Variants in TMPRSS12 observed in about 807,000 individuals in gnomAD.
TMPRSS12 encodes the protein transmembrane protease serine 12.
A neutral mutation model predicts 26.0 loss-of-function variants in TMPRSS12; 25 were observed. That is an observed-to-expected ratio of 0.96 (90% CI 0.70 to 1.34). The LOEUF is 1.34. Among genes scored for constraint, TMPRSS12 ranks in the 40% most tolerant of loss-of-function variants. The pLI is 0.00. For missense variants in TMPRSS12, 441 were observed against 440.1 expected (o/e 1.00, Z -0.02); for synonymous variants, 150 against 161.7 (o/e 0.93, Z 0.55).
Position 50,863,475 on chromosome 12 carries a change from G to T in TMPRSS12, c.652+4422G>T, listed in dbSNP as rs60795462. Reference sequence around the variant, plus strand: ...TCCACACACAAAAAAACTATTTACAGATGTTCATGAAAGCTTTATTTTAAA... The same window carrying T: ...TCCACACACAAAAAAACTATTTACATATGTTCATGAAAGCTTTATTTTAAA... On this transcript the variant is annotated intron_variant, in intron 3 of 4. Transcript: ENST00000398458. 4.7e-3 allele frequency among the ~76,000 whole-genome samples: 712 copies of T among 152,244 alleles called. 7 individuals are homozygous for T. Among genetic ancestry groups the T allele is most frequent in the African/African-American group, 0.017 (691 of 41,546 alleles).
At chr12:50,870,207 C>T (rs1938029141) in intron 3 of TMPRSS12, among the ~76,000 whole-genome samples, 1 of 151,896 alleles carries the variant, frequency 6.6e-6, no homozygotes, top group African/African-American at 2.4e-5. Flanking sequence ...ACAACAACAA[C>T]AACAAAAAAC....
At chr12:50,848,817 C>T (rs1284868419) in intron 2 of TMPRSS12, among the ~76,000 whole-genome samples, 2 of 152,194 alleles carry the variant, frequency 1.3e-5, no homozygotes, top group African/African-American at 4.8e-5. Flanking sequence ...GGGCAGGGCA[C>T]TCATCCTTGC....
intron 3 of TMPRSS12, among the ~76,000 whole-genome samples, chr12:50,872,547 CTG>C (rs1385389403): frequency 9.7e-6 from 1 of 103,610 alleles, no homozygotes; most frequent in African/African-American, 4.0e-5. Flanking sequence ...AAAAAAGGAA[CTG>C]TGAAAAAAAT....
chr12:50,873,587 T>C (rs951007655), intron 3 of TMPRSS12, among the ~76,000 whole-genome samples: 1 of 152,148 alleles, frequency 6.6e-6, no homozygotes, highest in Non-Finnish European at 1.5e-5. Flanking sequence ...GGATAATATA[T>C]AGGTAAATGT....
At chr12:50,879,214 A>C (rs1311787591) in intron 3 of TMPRSS12, among the ~76,000 whole-genome samples, 1 of 152,244 alleles carries the variant, frequency 6.6e-6, no homozygotes, top group African/African-American at 2.4e-5. Flanking sequence ...GACTTCTAGA[A>C]AAAAGCAAAG....
chr12:50,877,686 T>C (rs1337603441), intron 3 of TMPRSS12, among the ~76,000 whole-genome samples: 3 of 152,198 alleles, frequency 2.0e-5, no homozygotes, highest in Non-Finnish European at 4.4e-5. Flanking sequence ...CTGCAATCTC[T>C]GCCTCCCAGG....
intron 2 of TMPRSS12, 54 bp from the exon 3 acceptor site, chr12:50,858,731 T>C: frequency 7.5e-7 from 1 of 1,329,914 alleles, no homozygotes; most frequent in Non-Finnish European, 9.9e-7. Context: ...AGATTAAGAA[T>C]ATGTACTTAG....
At chr12:50,843,522 G>A (rs750610996) in intron 1 of TMPRSS12, among the ~76,000 whole-genome samples, 22 of 152,124 alleles carry the variant, frequency 1.4e-4, no homozygotes, top group African/African-American at 4.6e-4. Context: ...TCGACTCACC[G>A]TTCCCAGGCT....
At chr12:50,883,853 T>C (rs1264352874) in intron 3 of TMPRSS12, among the ~76,000 whole-genome samples, 2 of 151,750 alleles carry the variant, frequency 1.3e-5, no homozygotes, top group African/African-American at 2.4e-5. Context: ...AAAATAACAA[T>C]TAGCTGGGCA....
At chr12:50,872,474 C>T in intron 3 of TMPRSS12, among the ~76,000 whole-genome samples, 1 of 129,698 alleles carries the variant, frequency 7.7e-6, no homozygotes, top group Admixed American at 8.6e-5. Context: ...GATTGCGCCA[C>T]TGCAGTCCGC....
intron 3 of TMPRSS12, among the ~76,000 whole-genome samples, chr12:50,862,824 C>T (rs936919489): frequency 1.3e-5 from 2 of 151,724 alleles, no homozygotes; most frequent in African/African-American, 4.8e-5. Flanking sequence ...CCTGCACCCG[C>T]CTTGTTCTTA....
At chr12:50,846,404 C>A (rs1937767906) in intron 2 of TMPRSS12, among the ~76,000 whole-genome samples, 1 of 152,132 alleles carries the variant, frequency 6.6e-6, no homozygotes, top group Non-Finnish European at 1.5e-5. Context: ...TTTGTCCTTT[C>A]CCCATTAGAT....
At chr12:50,882,820 T>C (rs936174112) in intron 3 of TMPRSS12, among the ~76,000 whole-genome samples, 3 of 121,354 alleles carry the variant, frequency 2.5e-5, no homozygotes, top group African/African-American at 9.1e-5. Context: ...ACAAGTGAGT[T>C]CTACCATAAT....
Position 50,887,352 on chromosome 12 carries a change from C to T in TMPRSS12, c.886C>T (p.Arg296Ter), listed in dbSNP as rs199758447. 30 of 1,613,672 alleles carry T rather than the reference C, an allele frequency of 1.9e-5. No individual in the cohort carries two copies. The African/African-American group carries it at 2.1e-4, about 11-fold the overall frequency. The change falls in exon 5 of 5, where the codon CGA (arginine) becomes TGA (stop). Residue 296 changes from arginine (R) to a stop codon, truncating the protein, a stop_gained. Transcript: ENST00000398458. LOFTEE classifies it low-confidence loss of function (END_TRUNC). ...GITSYGHGCGRRGFPGVYIGP... is the reference protein window; with the variant it reads ...GITSYGHGCG ...TACCAGTTACGGACATGGCTGTGGTCGAAGAGGTTTTCCTGGTGTCTATAT... is the reference window on the plus strand; with the variant it reads ...TACCAGTTACGGACATGGCTGTGGTTGAAGAGGTTTTCCTGGTGTCTATAT...
chr12:50,873,589 G>C (rs1466507738), intron 3 of TMPRSS12, among the ~76,000 whole-genome samples: 1 of 152,164 alleles, frequency 6.6e-6, no homozygotes, highest in East Asian at 1.9e-4. Flanking sequence ...ATAATATATA[G>C]GTAAATGTAA....
In TMPRSS12 at chr12:50,842,960, C is replaced by T. The variant is rs554492607; in HGVS notation, c.-5C>T. On this transcript the variant is annotated 5_prime_UTR_variant, in exon 1 of 5. Coordinates refer to ENST00000398458, the MANE Select transcript of TMPRSS12 (RefSeq NM_182559.3). ...CTGCCGCCATCTTGCTCACCAGCCT[C>T]CAAAATGCGGCTGGGGCTCCTGAGC... is the stretch of plus-strand genomic sequence containing the variant. 72 of 1,579,342 alleles carry T rather than the reference C, an allele frequency of 4.6e-5. No homozygotes were observed. The South Asian group carries it at 8.1e-4, about 18-fold the overall frequency.
chr12:50,886,600 C>T (rs561839326), intron 4 of TMPRSS12: 3 of 152,226 alleles, frequency 2.0e-5, no homozygotes, highest in Non-Finnish European at 4.4e-5. Context: ...TATAGAGAAT[C>T]GGAAACAGTT....
At chr12:50,885,217 G>C (rs1294447392) in intron 3 of TMPRSS12, 29 bp from the exon 4 acceptor site, 17 of 1,551,688 alleles carry the variant, frequency 1.1e-5, no homozygotes, top group Non-Finnish European at 1.5e-5. Flanking sequence ...TCTGCTCCAA[G>C]ATAACTTACT....
At chr12:50,867,128 G>C (rs1310474073) in intron 3 of TMPRSS12, among the ~76,000 whole-genome samples, 1 of 152,126 alleles carries the variant, frequency 6.6e-6, no homozygotes, top group Non-Finnish European at 1.5e-5. Flanking sequence ...GCCAAACCAA[G>C]AAGAAATCCC....
Sources: gnomAD v4.1 joint callset for allele counts (sites outside exome capture counted in the v4.1 genomes callset) on GRCh38, gnomAD v4.1.1 for gene constraint, MANE v1.5 for transcripts, NCBI Gene and HGNC (gene_info 2026-07-23, HGNC 2026-07-21) for gene names.